The following MARCHF1 variants were observed in gnomAD, a reference collection of about 807,000 sequenced individuals.
MARCHF1 encodes E3 ubiquitin-protein ligase MARCHF1.
Under a neutral mutation model 54.2 loss-of-function variants are expected in MARCHF1, and 40 were observed. The observed-to-expected ratio is 0.74, with a 90% CI of 0.57 to 0.96. MARCHF1 has a LOEUF of 0.96. Ranked by LOEUF, MARCHF1 falls within the 40% of genes least tolerant of loss-of-function variation. The pLI is 0.00. For missense variants in MARCHF1, 586 were observed against 656.5 expected (o/e 0.89, Z 1.17); for synonymous variants, 236 against 236.3 (o/e 1.00, Z 0.01).
chr4:164,101,292 G>A (rs1486099365), intron 2 of MARCHF1, among the ~76,000 whole-genome samples: 1 of 151,434 alleles, frequency 6.6e-6, no homozygotes, highest in Non-Finnish European at 1.5e-5. Context: ...GCCTCTGTAG[G>A]CTCCACCTCT....
chr4:163,688,773 C>A (rs1286941707), intron 5 of MARCHF1, among the ~76,000 whole-genome samples: 1 of 152,068 alleles, frequency 6.6e-6, no homozygotes, highest in African/African-American at 2.4e-5. Flanking sequence ...TTCTATGCCA[C>A]CTTCCAAAAT....
chr4:163,692,110 A>T (rs907546122), intron 5 of MARCHF1, among the ~76,000 whole-genome samples: 8 of 152,184 alleles, frequency 5.3e-5, no homozygotes, highest in African/African-American at 1.9e-4. Context: ...ATTGCTCATA[A>T]GTCCACAGAT....
chr4:163,977,738 A>G (rs1752677523), intron 3 of MARCHF1, among the ~76,000 whole-genome samples: 1 of 152,222 alleles, frequency 6.6e-6, no homozygotes, highest in Non-Finnish European at 1.5e-5. Context: ...TGCTATTTTA[A>G]GAGAAGTTTT....
At chr4:163,793,755 C>CCTGTT (rs1158321785) in intron 4 of MARCHF1, among the ~76,000 whole-genome samples, 2 of 152,090 alleles carry the variant, frequency 1.3e-5, no homozygotes, top group African/African-American at 4.8e-5. Flanking sequence ...AAATCCGTGT[C>CCTGTT]CTGTTCTGTT....
At chr4:163,923,434 G>T (rs10023254) in intron 3 of MARCHF1, among the ~76,000 whole-genome samples, 1 of 151,872 alleles carries the variant, frequency 6.6e-6, no homozygotes, top group African/African-American at 2.4e-5. Flanking sequence ...TTCGTTTTCT[G>T]TAATTAAGAG....
At chr4:164,175,408 T>C (rs1440612574) in intron 1 of MARCHF1, among the ~76,000 whole-genome samples, 1 of 152,184 alleles carries the variant, frequency 6.6e-6, no homozygotes, top group African/African-American at 2.4e-5. Flanking sequence ...CTCAATACTA[T>C]TTCCTTTACT....
chr4:163,653,810 A>G (rs541359538), intron 5 of MARCHF1, among the ~76,000 whole-genome samples: 1 of 150,206 alleles, frequency 6.7e-6, no homozygotes, highest in South Asian at 2.1e-4. Context: ...CAAGTTTGAG[A>G]TGGCTATTAG....
chr4:163,782,240 A>G (rs1747485562), intron 4 of MARCHF1, among the ~76,000 whole-genome samples: 1 of 152,246 alleles, frequency 6.6e-6, no homozygotes, highest in Non-Finnish European at 1.5e-5. Flanking sequence ...ATTCAAAGAT[A>G]CAATAAACTC....
chr4:164,236,151 C>T (rs993840802), intron 1 of MARCHF1, among the ~76,000 whole-genome samples: 6 of 152,204 alleles, frequency 3.9e-5, no homozygotes, highest in African/African-American at 1.2e-4. Flanking sequence ...CAAATTTTGT[C>T]AGTCCCACTA....
intron 3 of MARCHF1, among the ~76,000 whole-genome samples, chr4:163,870,829 A>G (rs1284697834): frequency 2.0e-5 from 3 of 152,156 alleles, no homozygotes; most frequent in Admixed American, 2.0e-4. Context: ...TGCCAGAGGC[A>G]GGGAAGTGTG....
intron 1 of MARCHF1, among the ~76,000 whole-genome samples, chr4:164,232,766 G>A (rs1275300038): frequency 2.6e-5 from 4 of 152,098 alleles, no homozygotes; most frequent in African/African-American, 9.7e-5. Flanking sequence ...TGGTTAAAGA[G>A]TATTTAAGTT....
At chr4:163,876,378 T>C (rs1476802082) in intron 3 of MARCHF1, among the ~76,000 whole-genome samples, 2 of 152,174 alleles carry the variant, frequency 1.3e-5, no homozygotes, top group Non-Finnish European at 2.9e-5. Flanking sequence ...CTTCCTAATA[T>C]TTCTAGTGAG....
chr4:163,573,560 G>A (rs944736210), intron 8 of MARCHF1, among the ~76,000 whole-genome samples: 12 of 149,138 alleles, frequency 8.0e-5, no homozygotes, highest in African/African-American at 2.7e-4. Flanking sequence ...AGAATACGCG[G>A]TGTTTGGTTT....
Position 164,118,281 on chromosome 4 carries a change from T to A in MARCHF1, c.-322-6619A>T, listed in dbSNP as rs564118318. ...AGAACTTAATATTCTATTAAAACTATTAGATTTTGGGGATTACAAAAAATC... is the reference window on the plus strand; with the variant it reads ...AGAACTTAATATTCTATTAAAACTAATAGATTTTGGGGATTACAAAAAATC... On this transcript the variant is annotated intron_variant, in intron 1 of 9. Coordinates refer to ENST00000514618, the MANE Select transcript of MARCHF1 (RefSeq NM_001394959.1). 3.7e-4 allele frequency among the ~76,000 whole-genome samples: 56 copies of A among 151,724 alleles called. 1 individual carries two copies. Among genetic ancestry groups the A allele is most frequent in the African/African-American group, 1.3e-3 (53 of 41,402 alleles).
At chr4:164,274,612 G>A (rs1462256590) in intron 1 of MARCHF1, among the ~76,000 whole-genome samples, 7 of 147,264 alleles carry the variant, frequency 4.8e-5, no homozygotes, top group East Asian at 2.0e-4. Flanking sequence ...CCATTTGGCC[G>A]GAATTTATGA....
At chr4:164,020,419 T>C (rs958772322) in intron 2 of MARCHF1, among the ~76,000 whole-genome samples, 3 of 152,190 alleles carry the variant, frequency 2.0e-5, no homozygotes, top group Non-Finnish European at 2.9e-5. Context: ...CCAAATCAAG[T>C]TGCTATTGGA....
intron 4 of MARCHF1, among the ~76,000 whole-genome samples, chr4:163,772,348 A>G (rs1747186092): frequency 6.6e-6 from 1 of 152,174 alleles, no homozygotes; most frequent in Non-Finnish European, 1.5e-5. Flanking sequence ...TGTGTAATAA[A>G]TTGCCACAAA....
At chr4:163,875,590 G>A (rs1750270676) in intron 3 of MARCHF1, among the ~76,000 whole-genome samples, 1 of 152,064 alleles carries the variant, frequency 6.6e-6, no homozygotes, top group African/African-American at 2.4e-5. Flanking sequence ...TTTCTCTTCT[G>A]CTTTGCATAA....
At chr4:164,319,154 T>C (rs1735074130) in intron 1 of MARCHF1, among the ~76,000 whole-genome samples, 2 of 152,182 alleles carry the variant, frequency 1.3e-5, no homozygotes, top group African/African-American at 2.4e-5. Flanking sequence ...GTATTGAACA[T>C]GTACGGACAT....
Sources: gnomAD v4.1 joint callset for allele counts (sites outside exome capture counted in the v4.1 genomes callset) on GRCh38, gnomAD v4.1.1 for gene constraint, MANE v1.5 for transcripts, NCBI Gene and HGNC (gene_info 2026-07-23, HGNC 2026-07-21) for gene names.